PTPRZ1: variants seen among roughly 807,000 people sequenced by gnomAD.
PTPRZ1 encodes the protein protein tyrosine phosphatase receptor type Z1, also known as receptor-type tyrosine-protein phosphatase zeta.
In PTPRZ1, 82 loss-of-function variants were observed where a neutral mutation model predicts 214.1. That is an observed-to-expected ratio of 0.38 (90% CI 0.32 to 0.46). The LOEUF is 0.46. Ranked by LOEUF, PTPRZ1 falls within the 20% of genes least tolerant of loss-of-function variation. The probability of loss-of-function intolerance (pLI) is 1.00; values close to 1 mark genes in which losing one functional copy is unlikely to be tolerated. For missense variants in PTPRZ1, 2,603 were observed against 2,748.7 expected, an observed-to-expected ratio of 0.95 and a Z score of 1.19; for synonymous variants, 945 against 987.9, an observed-to-expected ratio of 0.96 and a Z score of 0.81.
At chr7:121,991,278 C>T (rs1476041228) in intron 8 of PTPRZ1, among the ~76,000 whole-genome samples, 1 of 152,042 alleles carries the variant, frequency 6.6e-6, no homozygotes, top group South Asian at 2.1e-4. Context: ...ATATGGACAG[C>T]CAAGATATCA....
intron 1 of PTPRZ1, among the ~76,000 whole-genome samples, chr7:121,881,806 A>G (rs1463752928): frequency 6.6e-6 from 1 of 152,176 alleles, no homozygotes; most frequent in Non-Finnish European, 1.5e-5. Flanking sequence ...GGGTAAATGA[A>G]CCAGCTTCCG....
chr7:121,896,251 A>G (rs1455703733), intron 1 of PTPRZ1, among the ~76,000 whole-genome samples: 1 of 152,218 alleles, frequency 6.6e-6, no homozygotes, highest in Non-Finnish European at 1.5e-5. Flanking sequence ...ATTGTTAATT[A>G]TATGCACGTT....
intron 12 of PTPRZ1, 36 bp downstream of exon 12, chr7:122,013,925 G>C (rs1456807351): frequency 2.0e-6 from 3 of 1,489,398 alleles, no homozygotes; most frequent in Non-Finnish European, 2.7e-6. Flanking sequence ...TTGAGGTGTG[G>C]TGGTTTGCTT....
intron 1 of PTPRZ1, among the ~76,000 whole-genome samples, chr7:121,884,614 A>C (rs1160686055): frequency 4.6e-5 from 7 of 152,138 alleles, no homozygotes; most frequent in African/African-American, 1.7e-4. Flanking sequence ...GTTTGGGCCC[A>C]GTTAGAGCAG....
intron 1 of PTPRZ1, among the ~76,000 whole-genome samples, chr7:121,926,209 G>A (rs2116364413): frequency 8.0e-6 from 1 of 125,588 alleles, no homozygotes; most frequent in South Asian, 2.7e-4. Context: ...GGAGGCTGAG[G>A]CAGAAGAATC....
At chr7:122,056,083 T>C (rs1270244526) in intron 27 of PTPRZ1, among the ~76,000 whole-genome samples, 1 of 151,930 alleles carries the variant, frequency 6.6e-6, no homozygotes, top group East Asian at 1.9e-4. Context: ...GAGCTCTTAA[T>C]GTTCCATGCT....
Position 122,011,539 on chromosome 7 carries a change from G to A in PTPRZ1, c.2493G>A (p.Leu831=). The change falls in exon 12 of 30, where the codon TTG becomes TTA. Residue 831 remains leucine, a synonymous_variant. Coordinates refer to ENST00000393386, the MANE Select transcript of PTPRZ1 (RefSeq NM_002851.3). ...CCTCTGCTTCCTTCAGTAGTGAATT[G>A]TTTCGCCATCTGCATACAGTTTCTC... The part of the protein sequence containing the change: ...PFSSASFSSE[L]FRHLHTVSQI... 6.2e-7 allele frequency: 1 copy of A among 1,614,082 alleles called. No individual in the cohort carries two copies. Among genetic ancestry groups the A allele is most frequent in the Non-Finnish European group, 8.5e-7 (1 of 1,180,002 alleles).
chr7:121,925,604 C>T (rs1304614436), intron 1 of PTPRZ1, among the ~76,000 whole-genome samples: 1 of 152,164 alleles, frequency 6.6e-6, no homozygotes, highest in Non-Finnish European at 1.5e-5. Flanking sequence ...CGAGTCTGAA[C>T]TCAACACACA....
intron 1 of PTPRZ1, among the ~76,000 whole-genome samples, chr7:121,882,881 T>C (rs977086158): frequency 4.6e-5 from 7 of 152,218 alleles, no homozygotes; most frequent in African/African-American, 1.7e-4. Context: ...TTGATATGAA[T>C]GTAATTGGTA....
intron 10 of PTPRZ1, among the ~76,000 whole-genome samples, chr7:122,001,142 C>T (rs1798310472): frequency 6.6e-6 from 1 of 151,972 alleles, no homozygotes; most frequent in Non-Finnish European, 1.5e-5. Context: ...AAAGTATCAC[C>T]ATAAACTATG....
chr7:121,907,072 T>C (rs900593574), intron 1 of PTPRZ1, among the ~76,000 whole-genome samples: 1 of 152,142 alleles, frequency 6.6e-6, no homozygotes, highest in Non-Finnish European at 1.5e-5. Context: ...TTTGTTATTA[T>C]CAAAATAAAC....
chr7:121,935,761 G>T (rs1158400565), intron 2 of PTPRZ1, among the ~76,000 whole-genome samples: 1 of 151,924 alleles, frequency 6.6e-6, no homozygotes. Context: ...GTAGAGATGG[G>T]GTTTCACCGT....
chr7:121,900,198 T>C (rs1324594742), intron 1 of PTPRZ1, among the ~76,000 whole-genome samples: 1 of 151,776 alleles, frequency 6.6e-6, no homozygotes, highest in Admixed American at 6.6e-5. Context: ...GCAGAAGGGG[T>C]GAACTGAAAC....
At chr7:122,032,442 T>C (rs1799408117) in intron 15 of PTPRZ1, among the ~76,000 whole-genome samples, 1 of 152,208 alleles carries the variant, frequency 6.6e-6, no homozygotes, top group African/African-American at 2.4e-5. Context: ...CCACTGTAGC[T>C]GTAAGCAGGA....
At chr7:122,028,223 CA>C in intron 13 of PTPRZ1, 1 of 177,190 alleles carries the variant, frequency 5.6e-6, no homozygotes, top group Non-Finnish European at 1.2e-5. Flanking sequence ...ATTATAGCCA[CA>C]GTGGAAGAAT....
intron 8 of PTPRZ1, among the ~76,000 whole-genome samples, chr7:121,995,509 G>A (rs923532905): frequency 6.6e-6 from 1 of 152,180 alleles, no homozygotes; most frequent in Non-Finnish European, 1.5e-5. Context: ...ATTTTGGAAA[G>A]TACCAGGGCA....
chr7:122,005,564 A>G (rs758275016), intron 11 of PTPRZ1, among the ~76,000 whole-genome samples: 1 of 152,128 alleles, frequency 6.6e-6, no homozygotes, highest in Non-Finnish European at 1.5e-5. Context: ...TCTACTTTGT[A>G]ACAGGAGTTT....
At chr7:121,971,944 G>A (rs779133199) in intron 3 of PTPRZ1, among the ~76,000 whole-genome samples, 2 of 152,094 alleles carry the variant, frequency 1.3e-5, no homozygotes, top group African/African-American at 2.4e-5. Context: ...AACTCATACA[G>A]GGGAGTTTAA....
chr7:122,039,521 A>G lies in PTPRZ1; in HGVS notation c.5570A>G (p.Lys1857Arg). The change falls in exon 20 of 30, where the codon AAG becomes AGG. Residue 1857 changes from lysine (K) to arginine (R), a missense_variant. Lys to Arg is a conservative substitution (Grantham distance 26). Around this residue, in one of 6 missense-constraint regions of PTPRZ1, gnomAD observed 1,913 missense variants for 1,914.3 expected, o/e 1.00. Transcript: ENST00000393386. ...TACGGGAACTTTCTGGTCACTCAGA[A>G]GAGTGTGCAAGTGCTTGCCTATTAT... ...EEYGNFLVTQ[K>R]SVQVLAYYTV... The G allele has an allele frequency of 6.2e-7, 1 of 1,614,068 alleles. No homozygotes were observed. The highest frequency in any genetic ancestry group is 8.5e-7 in the Non-Finnish European group (1 of 1,179,940).
Sources: gnomAD v4.1 joint callset for allele counts (sites outside exome capture counted in the v4.1 genomes callset) on GRCh38, gnomAD v4.1.1 for gene constraint, gnomAD v4.1.1 regional missense constraint, MANE v1.5 for transcripts, NCBI Gene and HGNC (gene_info 2026-07-23, HGNC 2026-07-21) for gene names.